Variants in SORCS3 observed in about 807,000 individuals in gnomAD.
The protein encoded by SORCS3 is sortilin related VPS10 domain containing receptor 3.
SORCS3 carries 57 observed loss-of-function variants against 146.3 expected under a neutral mutation model. The observed-to-expected ratio is 0.39, with a 90% CI of 0.31 to 0.49. The LOEUF is 0.49. Among genes scored for constraint, SORCS3 ranks in the 20% least tolerant of loss-of-function variants. SORCS3 has a pLI of 0.92. For missense variants in SORCS3, 1,341 were observed against 1,575.5 expected (o/e 0.85, Z 2.52); for synonymous variants, 653 against 618.5 (o/e 1.06, Z -0.83).
At chr10:105,234,978 T>C (rs970838177) in intron 20 of SORCS3, among the ~76,000 whole-genome samples, 16 of 152,076 alleles carry the variant, frequency 1.1e-4, no homozygotes, top group African/African-American at 3.6e-4. Flanking sequence ...AATAAGTCTT[T>C]AGTAATGTGA....
intron 5 of SORCS3, among the ~76,000 whole-genome samples, chr10:105,053,159 C>T (rs1285337337): frequency 6.6e-6 from 1 of 152,092 alleles, no homozygotes; most frequent in Non-Finnish European, 1.5e-5. Flanking sequence ...ATGAGAGCCC[C>T]ACCCTCATCC....
At chr10:104,938,285 T>G (rs1473213585) in intron 3 of SORCS3, among the ~76,000 whole-genome samples, 2 of 152,284 alleles carry the variant, frequency 1.3e-5, no homozygotes, top group South Asian at 4.1e-4. Flanking sequence ...CAGGGAGGAA[T>G]GTTTTTCAGG....
intron 16 of SORCS3, among the ~76,000 whole-genome samples, chr10:105,209,249 C>G (rs1425747254): frequency 6.6e-6 from 1 of 152,018 alleles, no homozygotes; most frequent in African/African-American, 2.4e-5. Flanking sequence ...TCAAGCGATT[C>G]TCCTTCCAAG....
intron 4 of SORCS3, among the ~76,000 whole-genome samples, chr10:105,022,261 G>A (rs1195884335): frequency 6.6e-6 from 1 of 151,682 alleles, no homozygotes; most frequent in Non-Finnish European, 1.5e-5. Flanking sequence ...AGGGCATATG[G>A]GAACTATCTG....
At chr10:105,010,128 A>G (rs374728576) in intron 4 of SORCS3, among the ~76,000 whole-genome samples, 65 of 152,272 alleles carry the variant, frequency 4.3e-4, no homozygotes, top group African/African-American at 1.5e-3. Context: ...GCTCTTTCCC[A>G]TGCACCTTGA....
intron 7 of SORCS3, among the ~76,000 whole-genome samples, chr10:105,120,734 T>G (rs192304764): frequency 7.9e-5 from 12 of 152,352 alleles, no homozygotes; most frequent in African/African-American, 2.9e-4. Context: ...TGCTACATAT[T>G]ATAAAGTAAC....
In SORCS3 at chr10:104,641,405, G is replaced by C; in HGVS notation, c.78G>C (p.Ser26=). 6.8e-7 allele frequency: 1 copy of C among 1,461,706 alleles called. No homozygotes were observed. Among genetic ancestry groups the C allele is most frequent in the Non-Finnish European group, 9.0e-7 (1 of 1,112,734 alleles). The allele number at this position is 1,461,706 out of a possible 1,614,324, so 90.5% of individuals were successfully genotyped here. A position where few individuals can be genotyped will look rare whatever the true frequency, so the allele number is the denominator to read the frequency against. ...TCCGGACGGGGCTCCTACTCTTGTC[G>C]ACGTGGGTCCTGGCCGGCGCCGAGA... ...PLVRTGLLLL[S]TWVLAGAEIT... Residue 26 remains serine (S), a synonymous_variant, in exon 1 of 27, where the codon TCG becomes TCC. Transcript: ENST00000369701. This position sits in a 1 kb window ranked among gnomAD's most constrained non-coding sequence, Gnocchi z 6.4.
At chr10:104,790,838 G>A (rs539405312) in intron 1 of SORCS3, among the ~76,000 whole-genome samples, 3 of 152,284 alleles carry the variant, frequency 2.0e-5, no homozygotes, top group African/African-American at 7.2e-5. Flanking sequence ...TCTTTGCATA[G>A]TATATGAGCA....
At chr10:104,966,358 G>A (rs1045141593) in intron 3 of SORCS3, among the ~76,000 whole-genome samples, 4 of 152,146 alleles carry the variant, frequency 2.6e-5, no homozygotes, top group Non-Finnish European at 2.9e-5. Flanking sequence ...ATATCAGTGG[G>A]TTTAGCGGAT....
rs144598078 is a variant in SORCS3 at position 104,991,233 on chromosome 10, G to T, written c.954+13740G>T. Among the ~76,000 whole-genome samples, 191 of 152,304 alleles carry T rather than the reference G, an allele frequency of 1.3e-3. 1 individual carries two copies. The highest frequency in any genetic ancestry group is 3.9e-3 in the African/African-American group (164 of 41,566). On this transcript the variant is annotated intron_variant, in intron 4 of 26. Coordinates refer to ENST00000369701, the MANE Select transcript of SORCS3 (RefSeq NM_014978.3). ...CTTATTGTAGCAGTTTGTTTGGGGTGCTATAGCAAAGTACCACAGACTGAG... is the reference window on the plus strand; with the variant it reads ...CTTATTGTAGCAGTTTGTTTGGGGTTCTATAGCAAAGTACCACAGACTGAG...
intron 1 of SORCS3, among the ~76,000 whole-genome samples, chr10:104,800,090 C>A (rs931200203): frequency 6.6e-6 from 1 of 152,074 alleles, no homozygotes; most frequent in African/African-American, 2.4e-5. Context: ...AACCAAGATT[C>A]CTGTCAGTAG....
At chr10:104,726,672 A>G (rs2016638684) in intron 1 of SORCS3, among the ~76,000 whole-genome samples, 1 of 151,852 alleles carries the variant, frequency 6.6e-6, no homozygotes, top group Admixed American at 6.6e-5. Flanking sequence ...CTCCTCAGAA[A>G]TCTTCAATAG....
At chr10:104,841,849 A>G (rs1296800167) in intron 1 of SORCS3, among the ~76,000 whole-genome samples, 1 of 152,224 alleles carries the variant, frequency 6.6e-6, no homozygotes, top group Non-Finnish European at 1.5e-5. Flanking sequence ...AAACACAATT[A>G]TGTGTAACTG....
chr10:105,103,549 T>A (rs906470660), intron 6 of SORCS3, among the ~76,000 whole-genome samples: 2 of 152,098 alleles, frequency 1.3e-5, no homozygotes, highest in African/African-American at 2.4e-5. Flanking sequence ...GACAAGAAAG[T>A]GTCCCAGGCA....
rs1158105057 is a variant in SORCS3 at position 104,966,165 on chromosome 10, G to GCC, written c.796-11166_796-11165dup. ...ACTAGATACCGGAACTCTCTCCCCT[G>GCC]CCCCCAGCTGTGATAATTAACATAT... is the stretch of plus-strand genomic sequence containing the variant. On this transcript the variant is annotated intron_variant, in intron 3 of 26. Coordinates refer to ENST00000369701, the MANE Select transcript of SORCS3 (RefSeq NM_014978.3). 4.6e-5 allele frequency among the ~76,000 whole-genome samples: 7 copies of GCC among 151,058 alleles called. No homozygotes were observed. The South Asian group carries it at 1.5e-3, about 32-fold the overall frequency.
chr10:105,152,768 ATATAT>A (rs1277737911), intron 9 of SORCS3, among the ~76,000 whole-genome samples: 1 of 152,136 alleles, frequency 6.6e-6, no homozygotes, highest in East Asian at 1.9e-4. Flanking sequence ...TAAACAACTT[ATATAT>A]TTTTTTCTTA....
At position 105,133,947 on chromosome 10, in the gene SORCS3, G is replaced by A. The variant is rs531958870; in HGVS notation, c.1213-5450G>A. On this transcript the variant is annotated intron_variant, in intron 7 of 26. Transcript: ENST00000369701. ...CACTCTAGCCTGGGTGACAGAGTGA[G>A]ACCCTGTCTCACAAAAGAAAATTTA... is the stretch of plus-strand genomic sequence containing the variant. Among the ~76,000 whole-genome samples, 11 of 152,266 alleles carry A rather than the reference G, an allele frequency of 7.2e-5. No homozygotes were observed. The South Asian group carries it at 2.3e-3, about 32-fold the overall frequency.
intron 7 of SORCS3, among the ~76,000 whole-genome samples, chr10:105,127,729 C>A (rs1347212904): frequency 6.6e-6 from 1 of 152,074 alleles, no homozygotes; most frequent in Non-Finnish European, 1.5e-5. Flanking sequence ...TAATTTGGAA[C>A]AACAGCTGGT....
chr10:105,045,038 A>AAAAAAAG, intron 5 of SORCS3, among the ~76,000 whole-genome samples: 1 of 116,548 alleles, frequency 8.6e-6, no homozygotes, highest in Non-Finnish European at 1.7e-5. Context: ...AAAAAAAAAA[A>AAAAAAAG]AAAGAAAGAA....
Sources: gnomAD v4.1 joint callset for allele counts (sites outside exome capture counted in the v4.1 genomes callset) on GRCh38, gnomAD v4.1.1 for gene constraint, Gnocchi (gnomAD v3.1) non-coding constraint, MANE v1.5 for transcripts, NCBI Gene and HGNC (gene_info 2026-07-23, HGNC 2026-07-21) for gene names.